MFSD12: variants seen among roughly 807,000 people sequenced by gnomAD.
The protein encoded by MFSD12 is major facilitator superfamily domain-containing protein 12.
In MFSD12, 67 loss-of-function variants were observed where a neutral mutation model predicts 51.2. That is an observed-to-expected ratio of 1.31 (90% CI 1.08 to 1.60). The LOEUF is 1.60. Among genes scored for constraint, MFSD12 ranks in the 40% most tolerant of loss-of-function variants. The pLI is 0.00. For missense variants in MFSD12, 921 were observed against 673.0 expected (o/e 1.37, Z -4.08); for synonymous variants, 441 against 316.7 (o/e 1.39, Z -4.17).
chr19:3,542,853 C>T (rs750958008), downstream of MFSD12: 1 of 1,382,988 alleles, frequency 7.2e-7, no homozygotes, highest in Admixed American at 1.9e-5. Flanking sequence ...TGGTGCACCT[C>T]CAGGCCAGGG....
In MFSD12 at chr19:3,557,394, C is replaced by T; in HGVS notation, c.10G>A (p.Gly4Arg). The T allele has an allele frequency of 7.9e-7, 1 of 1,272,684 alleles. No individual in the cohort carries two copies. Among genetic ancestry groups the T allele is most frequent in the Non-Finnish European group, 9.9e-7 (1 of 1,007,704 alleles). The allele number at this position is 1,272,684 out of a possible 1,614,324, so 78.8% of individuals were successfully genotyped here. A position where few individuals can be genotyped will look rare whatever the true frequency, so the allele number is the denominator to read the frequency against. Residue 4 changes from glycine to arginine, a missense_variant, in exon 1 of 10, where the codon GGA becomes AGA. Physicochemically the swap from Gly to Arg is moderately radical, Grantham distance 125. Coordinates refer to ENST00000355415, the MANE Select transcript of MFSD12 (RefSeq NM_174983.5). ...GGCGCCGCTCCGGCCGCTGGGGGTC[C>T]CGGGCCCATCGCGGCGCCGGGCCCG... MGPGPPAAGAAPSP... is the reference protein window; with the variant it reads MGPRPPAAGAAPSP...
Position 3,544,814 on chromosome 19 carries a change from C to A in MFSD12, c.1415G>T (p.Arg472Leu), listed in dbSNP as rs200371465. ...AGGGGTGGGCCAGGACTCACAGCGTCGCAGGCGGGTCGGCCACAGCAGGAG... is the reference window on the plus strand; with the variant it reads ...AGGGGTGGGCCAGGACTCACAGCGTAGCAGGCGGGTCGGCCACAGCAGGAG... ...CSLLLWPTRL[R>L]RWDRDARP The change falls in exon 9 of 10, where the codon CGA (arginine) becomes CTA (leucine). Residue 472 changes from arginine to leucine, a missense_variant. Arg to Leu is a moderately radical substitution (Grantham distance 102, BLOSUM62 -2). Coordinates refer to ENST00000355415, the MANE Select transcript of MFSD12 (RefSeq NM_174983.5). 1.2e-6 allele frequency: 2 copies of A among 1,612,104 alleles called. No individual in the cohort carries two copies. The highest frequency in any genetic ancestry group is 1.7e-5 in the Admixed American group (1 of 59,902).
intron 4 of MFSD12, chr19:3,538,775 C>A (rs186759201): frequency 9.6e-6 from 5 of 520,822 alleles, no homozygotes; most frequent in Non-Finnish European, 2.0e-5. Flanking sequence ...ATTTTACAAA[C>A]GGACTGGATG....
rs552865627 is a variant in MFSD12 at position 3,549,151 on chromosome 19, T to C, written c.510-884A>G. ...TGCCAGGCACACGGCAGGTGCTCAA[T>C]GCATCATCCTCGTAACCAGAAGAAC... On this transcript the variant is annotated intron_variant, in intron 2 of 9. Transcript: ENST00000355415. Among the ~76,000 whole-genome samples, 6 of 152,316 alleles carry C rather than the reference T, an allele frequency of 3.9e-5. No homozygotes were observed. The East Asian group carries it at 7.7e-4, about 20-fold the overall frequency.
At chr19:3,544,968 C>G in intron 8 of MFSD12, 29 bp from the exon 9 acceptor site, 1 of 1,583,500 alleles carries the variant, frequency 6.3e-7, no homozygotes. Context: ...GATGAGTAGG[C>G]ACCGCGGGTA....
chr19:3,548,556 C>A (rs537283110), intron 2 of MFSD12, among the ~76,000 whole-genome samples: 1 of 152,180 alleles, frequency 6.6e-6, no homozygotes, highest in African/African-American at 2.4e-5. Flanking sequence ...AGTCTGAGAA[C>A]CCAGAGACTC....
intron 5 of MFSD12, 22 bp downstream of exon 5, chr19:3,547,433 G>T (rs769309675): frequency 6.2e-7 from 1 of 1,612,010 alleles, no homozygotes; most frequent in Non-Finnish European, 8.5e-7. Context: ...CCATCCCAGC[G>T]TCCCCGCCCC....
At chr19:3,538,395 C>G (rs1019132439) in exon 5 of MFSD12, 1 of 254,060 alleles carries the variant, frequency 3.9e-6, no homozygotes, top group African/African-American at 2.3e-5. Flanking sequence ...AGAACATTCT[C>G]ATCACCCAGA....
intron 1 of MFSD12, among the ~76,000 whole-genome samples, chr19:3,556,563 ACAGATGGGGGAGGCACAGCACAGT>A (rs1238978587): frequency 4.0e-5 from 6 of 149,974 alleles, no homozygotes; most frequent in Non-Finnish European, 8.9e-5. Flanking sequence ...GCACAGTCAG[ACAGATGGGGGAGGCACAGCACAGT>A]CAGACGGGGG....
chr19:3,547,424 C>T (rs1328682815), intron 5 of MFSD12, 31 bp downstream of exon 5: 1 of 1,611,474 alleles, frequency 6.2e-7, no homozygotes, highest in Non-Finnish European at 8.5e-7. Flanking sequence ...GGGGCCGTCC[C>T]ATCCCAGCGT....
intron 2 of MFSD12, among the ~76,000 whole-genome samples, chr19:3,549,408 T>C (rs1405253751): frequency 1.3e-5 from 2 of 152,094 alleles, no homozygotes; most frequent in Non-Finnish European, 2.9e-5. Context: ...CCAAGGACCT[T>C]GGTCAGCTCG....
At chr19:3,548,618 G>A (rs572924335) in intron 2 of MFSD12, among the ~76,000 whole-genome samples, 1 of 152,304 alleles carries the variant, frequency 6.6e-6, no homozygotes, top group Non-Finnish European at 1.5e-5. Context: ...CGGCTAAAGG[G>A]CGAGGGCTCC....
chr19:3,547,392 G>A (rs1183254614), intron 5 of MFSD12, 28 bp from the exon 6 acceptor site: 12 of 1,612,430 alleles, frequency 7.4e-6, no homozygotes, highest in South Asian at 3.3e-5. Flanking sequence ...GGCATGCCGT[G>A]TCAGTCATGG....
intron 1 of MFSD12, among the ~76,000 whole-genome samples, chr19:3,556,453 G>A (rs904370067): frequency 2.6e-5 from 4 of 152,178 alleles, no homozygotes; most frequent in African/African-American, 9.7e-5. Flanking sequence ...CCAAGGGACA[G>A]ACAGAGGGGA....
intron 8 of MFSD12, 118 bp from the exon 9 acceptor site, chr19:3,545,057 TG>T: frequency 7.4e-7 from 1 of 1,357,650 alleles, no homozygotes; most frequent in South Asian, 1.4e-5. Flanking sequence ...ATCCAGGAGC[TG>T]GGGGCCCTGC....
rs1311478105 is a variant in MFSD12 at position 3,551,212 on chromosome 19, G to A, written c.299-18C>T. On this transcript the variant is annotated intron_variant, in intron 1 of 9. Coordinates refer to ENST00000355415, the MANE Select transcript of MFSD12 (RefSeq NM_174983.5). The surrounding 1 kb of genome is among the most constrained non-coding windows in gnomAD (Gnocchi z 4.6). ...GACGGTGCCTGTGGAAGGCAGAGTGGTCAGTCGCGGGGCTGTCCCGCACCA... is the reference window on the plus strand; with the variant it reads ...GACGGTGCCTGTGGAAGGCAGAGTGATCAGTCGCGGGGCTGTCCCGCACCA... 3.2e-6 allele frequency: 5 copies of A among 1,572,622 alleles called. No homozygotes were observed. Among genetic ancestry groups the A allele is most frequent in the African/African-American group, 1.3e-5 (1 of 74,368 alleles).
exon 5 of MFSD12, chr19:3,538,379 G>A: frequency 4.1e-6 from 1 of 245,516 alleles, no homozygotes; most frequent in South Asian, 4.2e-5. Flanking sequence ...CATCCCATCT[G>A]ATTCCAGAAC....
intron 1 of MFSD12, among the ~76,000 whole-genome samples, chr19:3,555,168 G>C (rs1266043645): frequency 5.9e-5 from 9 of 152,212 alleles, no homozygotes; most frequent in Admixed American, 5.9e-4. Flanking sequence ...GAGTGCAGTG[G>C]CGCGATCTTG....
downstream of MFSD12, among the ~76,000 whole-genome samples, chr19:3,540,515 C>G (rs1006080386): frequency 2.0e-5 from 3 of 151,638 alleles, no homozygotes; most frequent in Admixed American, 6.6e-5. Context: ...CTTGGCCTCC[C>G]AAAGTGCTGG....
Sources: gnomAD v4.1 joint callset for allele counts (sites outside exome capture counted in the v4.1 genomes callset) on GRCh38, gnomAD v4.1.1 for gene constraint, Gnocchi (gnomAD v3.1) non-coding constraint, MANE v1.5 for transcripts, NCBI Gene and HGNC (gene_info 2026-07-23, HGNC 2026-07-21) for gene names.